Variants in NCAM2 observed in about 807,000 individuals in gnomAD.
NCAM2 encodes the protein neural cell adhesion molecule 2.
In NCAM2, 30 loss-of-function variants were observed where a neutral mutation model predicts 98.1. The ratio of observed to expected loss-of-function variants is 0.31; its 90% confidence interval spans 0.23 to 0.41. The LOEUF (loss-of-function observed/expected upper bound fraction) is 0.41, where lower values mean the gene tolerates loss of function less well. Ranked by LOEUF, NCAM2 falls within the 10% of genes least tolerant of loss-of-function variation. The pLI is 1.00. For synonymous variants in NCAM2, 368 were observed against 342.4 expected (o/e 1.07, Z -0.83); for missense variants, 867 against 1,005.8 (o/e 0.86, Z 1.87).
chr21:21,392,123 C>T (rs1365695648), intron 9 of NCAM2, among the ~76,000 whole-genome samples: 4 of 152,074 alleles, frequency 2.6e-5, no homozygotes, highest in African/African-American at 7.2e-5. Context: ...TTTGATAGTT[C>T]CCAGTGTGTG....
intron 1 of NCAM2, among the ~76,000 whole-genome samples, chr21:21,020,328 A>C (rs867644986): frequency 6.6e-6 from 1 of 152,146 alleles, no homozygotes; most frequent in Middle Eastern, 3.4e-3. Flanking sequence ...GAGCCACTGC[A>C]CCCGGGTGAC....
At chr21:21,323,695 T>C (rs867255288) in intron 5 of NCAM2, among the ~76,000 whole-genome samples, 1 of 152,214 alleles carries the variant, frequency 6.6e-6, no homozygotes, top group Non-Finnish European at 1.5e-5. Context: ...GTTTTTGCAA[T>C]GTAATTAGTT....
chr21:21,022,592 C>A (rs988414123), intron 1 of NCAM2, among the ~76,000 whole-genome samples: 50 of 152,178 alleles, frequency 3.3e-4, no homozygotes, highest in African/African-American at 1.0e-3. Flanking sequence ...CAGGCTAATT[C>A]TTTGTGACCA....
chr21:21,526,173 G>A (rs75537352), intron 16 of NCAM2, among the ~76,000 whole-genome samples: 2 of 151,922 alleles, frequency 1.3e-5, no homozygotes, highest in African/African-American at 4.8e-5. Flanking sequence ...TATTGATTGG[G>A]AAGGAAGAAA....
At chr21:21,384,593 A>G (rs2076225529) in intron 9 of NCAM2, among the ~76,000 whole-genome samples, 1 of 151,974 alleles carries the variant, frequency 6.6e-6, no homozygotes, top group African/African-American at 2.4e-5. Flanking sequence ...TTAGCATGAT[A>G]CTGACTTGCT....
chr21:21,044,621 A>G (rs954186869), intron 1 of NCAM2, among the ~76,000 whole-genome samples: 2 of 152,222 alleles, frequency 1.3e-5, no homozygotes, highest in African/African-American at 4.8e-5. Context: ...AATAAAAATA[A>G]AAGAATTATG....
In NCAM2 at chr21:21,292,111, C is replaced by T. The variant is rs1478826270; in HGVS notation, c.489C>T (p.Phe163=). 3.7e-6 allele frequency: 6 copies of T among 1,608,778 alleles called. No homozygotes were observed. The highest frequency in any genetic ancestry group is 3.4e-6 in the Non-Finnish European group (4 of 1,177,278). ...CCTTTGCTTTCTTTCCAGATCGGTT[C>T]GCTATGTTAGCAAACAATAACCTGC... ...EEVTTISDNR[F]AMLANNNLQI... is the part of the protein sequence containing the mutation. The change falls in exon 5 of 18, where the codon TTC becomes TTT. Residue 163 remains phenylalanine, a synonymous_variant. Coordinates refer to ENST00000400546, the MANE Select transcript of NCAM2 (RefSeq NM_004540.5).
chr21:21,412,994 TGAA>T (rs2076918580), intron 10 of NCAM2, among the ~76,000 whole-genome samples: 1 of 152,170 alleles, frequency 6.6e-6, no homozygotes, highest in South Asian at 2.1e-4. Flanking sequence ...ATAAATTTAT[TGAA>T]TTGTTTTAAA....
At chr21:21,260,127 A>G (rs138839854) in intron 1 of NCAM2, among the ~76,000 whole-genome samples, 114 of 151,990 alleles carry the variant, frequency 7.5e-4, no homozygotes, top group African/African-American at 2.6e-3. Context: ...AATTTTACAA[A>G]TTAACCCAGT....
At chr21:21,495,769 G>T (rs747358168) in intron 15 of NCAM2, among the ~76,000 whole-genome samples, 1 of 151,676 alleles carries the variant, frequency 6.6e-6, no homozygotes, top group Admixed American at 6.6e-5. Context: ...GACTCCTTAC[G>T]TCAAATGGGA....
intron 1 of NCAM2, among the ~76,000 whole-genome samples, chr21:21,034,182 T>G (rs1009978778): frequency 1.3e-5 from 2 of 152,074 alleles, no homozygotes; most frequent in Non-Finnish European, 2.9e-5. Flanking sequence ...ATTCTTGGAG[T>G]TGGCATTGCA....
chr21:21,239,166 A>G (rs761449791), intron 1 of NCAM2, among the ~76,000 whole-genome samples: 21 of 152,284 alleles, frequency 1.4e-4, no homozygotes, highest in Non-Finnish European at 2.6e-4. Context: ...GCAAAATCAG[A>G]TGTTGGGCAA....
intron 6 of NCAM2, among the ~76,000 whole-genome samples, chr21:21,328,306 C>G (rs1310443983): frequency 6.6e-6 from 1 of 152,014 alleles, no homozygotes; most frequent in Non-Finnish European, 1.5e-5. Flanking sequence ...AAATATGTTA[C>G]TGGTTTATAT....
At chr21:21,158,250 C>T (rs1448399463) in intron 1 of NCAM2, among the ~76,000 whole-genome samples, 1 of 152,140 alleles carries the variant, frequency 6.6e-6, no homozygotes, top group South Asian at 2.1e-4. Context: ...ATAGCACATT[C>T]ACACTGTTTT....
chr21:21,134,103 C>G (rs1168959997), intron 1 of NCAM2, among the ~76,000 whole-genome samples: 2 of 144,916 alleles, frequency 1.4e-5, no homozygotes, highest in Non-Finnish European at 3.0e-5. Context: ...ATGTCTCGCT[C>G]TGTCACCCAG....
intron 11 of NCAM2, among the ~76,000 whole-genome samples, chr21:21,421,157 G>A (rs979569263): frequency 4.0e-5 from 6 of 151,732 alleles, no homozygotes; most frequent in Non-Finnish European, 8.8e-5. Context: ...TTAATATTTG[G>A]TATTTAAAAC....
chr21:21,269,010 G>T (rs1207913732), intron 1 of NCAM2, among the ~76,000 whole-genome samples: 1 of 152,064 alleles, frequency 6.6e-6, no homozygotes, highest in Non-Finnish European at 1.5e-5. Flanking sequence ...ACACCTTCAG[G>T]CTAGAATCAT....
chr21:21,279,720 A>G (rs746413846), intron 1 of NCAM2, among the ~76,000 whole-genome samples: 1 of 152,134 alleles, frequency 6.6e-6, no homozygotes, highest in Non-Finnish European at 1.5e-5. Flanking sequence ...GTTCACTGAA[A>G]TAAGCATTTT....
intron 8 of NCAM2, among the ~76,000 whole-genome samples, chr21:21,352,782 T>A (rs917246194): frequency 7.0e-6 from 1 of 142,276 alleles, no homozygotes. Context: ...TTGTTGCACA[T>A]GTACCCTAAA....
Sources: allele counts gnomAD v4.1 joint callset (sites outside exome capture counted in the v4.1 genomes callset), GRCh38; gene constraint gnomAD v4.1.1; transcripts MANE v1.5; gene names NCBI Gene and HGNC (gene_info 2026-07-23, HGNC 2026-07-21).